DPYD: variants seen among roughly 807,000 people sequenced by gnomAD.
DPYD encodes the protein dihydropyrimidine dehydrogenase [NADP(+)].
A neutral mutation model predicts 116.2 loss-of-function variants in DPYD; 109 were observed. The ratio of observed to expected loss-of-function variants is 0.94; its 90% CI spans 0.80 to 1.10. The LOEUF is 1.10. Ranked by LOEUF, DPYD falls within the 50% of genes least tolerant of loss-of-function variation. The pLI, the probability that DPYD is intolerant of heterozygous loss-of-function variation, is 0.00. For missense variants in DPYD, 1,302 were observed against 1,254.5 expected (o/e 1.04, Z -0.57); for synonymous variants, 440 against 432.0 (o/e 1.02, Z -0.23).
chr1:97,898,065 C>T (rs1673173179), intron 1 of DPYD, among the ~76,000 whole-genome samples: 4 of 151,740 alleles, frequency 2.6e-5, no homozygotes, highest in Admixed American at 2.6e-4. Context: ...GCAGCATTTG[C>T]TCTGGGGCTA....
intron 20 of DPYD, among the ~76,000 whole-genome samples, chr1:97,187,649 C>T (rs1433879592): frequency 6.6e-6 from 1 of 152,020 alleles, no homozygotes; most frequent in Non-Finnish European, 1.5e-5. Context: ...TTTGCCTAGA[C>T]TCATGTCCAG....
At chr1:97,622,134 C>T (rs906836234) in intron 8 of DPYD, among the ~76,000 whole-genome samples, 1 of 152,010 alleles carries the variant, frequency 6.6e-6, no homozygotes, top group African/African-American at 2.4e-5. Flanking sequence ...GTGGCCTGCT[C>T]ATAGTGGCTT....
Position 97,740,484 on chromosome 1 carries a change from GAAATA to G in DPYD, c.234-10_234-6del. ...GCATCTGCACATTTCAGGCATCTAG[GAAATA>G]AAATAACTATGTTAAGAAACTACAA... On this transcript the variant is annotated splice_polypyrimidine_tract_variant and splice_region_variant and intron_variant, in intron 3 of 22. Transcript: ENST00000370192. 1 of 1,610,104 alleles carries G rather than the reference GAAATA, an allele frequency of 6.2e-7. No homozygotes were observed. The highest frequency in any genetic ancestry group is 8.5e-7 in the Non-Finnish European group (1 of 1,177,378).
At chr1:97,497,893 T>C (rs1438888019) in intron 13 of DPYD, among the ~76,000 whole-genome samples, 1 of 151,708 alleles carries the variant, frequency 6.6e-6, no homozygotes, top group African/African-American at 2.4e-5. Context: ...AATGAAGAAA[T>C]ATTTATAATA....
chr1:97,267,124 G>C (rs1432919347), intron 18 of DPYD, among the ~76,000 whole-genome samples: 1 of 152,108 alleles, frequency 6.6e-6, no homozygotes, highest in South Asian at 2.1e-4. Context: ...CACAATGGTT[G>C]AACTAGTTTA....
At chr1:97,729,674 T>C (rs890071532) in intron 4 of DPYD, among the ~76,000 whole-genome samples, 1 of 152,154 alleles carries the variant, frequency 6.6e-6, no homozygotes, top group African/African-American at 2.4e-5. Flanking sequence ...TGAATGGTGG[T>C]AAATTTTTTA....
At chr1:97,581,788 G>A (rs1396938240) in intron 10 of DPYD, among the ~76,000 whole-genome samples, 1 of 151,176 alleles carries the variant, frequency 6.6e-6, no homozygotes, top group Non-Finnish European at 1.5e-5. Flanking sequence ...CATGGAAAAG[G>A]TGCTATATAA....
intron 21 of DPYD, among the ~76,000 whole-genome samples, chr1:97,086,352 GT>G (rs35514561): frequency 0.78 from 111,829 of 143,846 alleles, 43,783 homozygotes; most frequent in East Asian, 0.98. Context: ...GCCTGGCCAA[GT>G]TTTTTTTTTT....
chr1:97,565,523 G>T (rs1426453616), intron 11 of DPYD, among the ~76,000 whole-genome samples: 2 of 152,042 alleles, frequency 1.3e-5, no homozygotes, highest in Non-Finnish European at 2.9e-5. Flanking sequence ...CACACCATCT[G>T]GTCCAGCAAA....
rs559913746 is a variant in DPYD at position 97,570,567 on chromosome 1, A to G, written c.1339+3193T>C. Among the ~76,000 whole-genome samples, 258 of 152,144 alleles carry G rather than the reference A, an allele frequency of 1.7e-3. 1 individual carries two copies. The highest frequency in any genetic ancestry group is 2.9e-3 in the Non-Finnish European group (197 of 67,910). ...TGGAAGCTTTATACCATAGTATAAG[A>G]TAACATTGGTACATTTAATAAATAT... On this transcript the variant is annotated intron_variant, in intron 11 of 22. Coordinates refer to ENST00000370192, the MANE Select transcript of DPYD (RefSeq NM_000110.4).
intron 3 of DPYD, among the ~76,000 whole-genome samples, chr1:97,788,425 C>G (rs927096798): frequency 6.6e-6 from 1 of 152,178 alleles, no homozygotes; most frequent in African/African-American, 2.4e-5. Context: ...AGCTGACGAT[C>G]AGTACCAACT....
At chr1:97,162,533 A>G (rs1290333480) in intron 20 of DPYD, among the ~76,000 whole-genome samples, 1 of 152,212 alleles carries the variant, frequency 6.6e-6, no homozygotes, top group Non-Finnish European at 1.5e-5. Flanking sequence ...AAGAATTAGT[A>G]TCATGAAAAT....
At chr1:97,338,133 G>A (rs1015089499) in intron 16 of DPYD, among the ~76,000 whole-genome samples, 2 of 152,082 alleles carry the variant, frequency 1.3e-5, no homozygotes, top group African/African-American at 4.8e-5. Context: ...ATTTTCACCT[G>A]CCACTTTAAC....
chr1:97,636,893 C>G (rs887270900), intron 8 of DPYD, among the ~76,000 whole-genome samples: 5 of 152,130 alleles, frequency 3.3e-5, no homozygotes, highest in African/African-American at 9.7e-5. Flanking sequence ...AGTAAGAAAT[C>G]CTGTGAGCAT....
chr1:97,679,303 GACA>G (rs1660314953), intron 7 of DPYD, 121 bp from the exon 8 acceptor site: 2 of 573,424 alleles, frequency 3.5e-6, no homozygotes, highest in East Asian at 3.0e-5. Flanking sequence ...TATAAAATGT[GACA>G]ACATTTTTGT....
chr1:97,808,225 T>C (rs1477276032), intron 3 of DPYD, among the ~76,000 whole-genome samples: 1 of 152,164 alleles, frequency 6.6e-6, no homozygotes, highest in East Asian at 1.9e-4. Flanking sequence ...TTGAGAATTG[T>C]GAGTATTCCT....
chr1:97,393,771 T>C (rs1672850455), intron 14 of DPYD, among the ~76,000 whole-genome samples: 1 of 152,184 alleles, frequency 6.6e-6, no homozygotes, highest in Admixed American at 6.6e-5. Context: ...TGTGTCTTTA[T>C]AGCAGCATGA....
intron 16 of DPYD, among the ~76,000 whole-genome samples, chr1:97,312,029 G>T (rs1667550553): frequency 6.6e-6 from 1 of 151,566 alleles, no homozygotes; most frequent in Admixed American, 6.6e-5. Flanking sequence ...TCTTGACCTG[G>T]TGGTCACATG....
intron 4 of DPYD, among the ~76,000 whole-genome samples, chr1:97,732,672 A>G (rs1314071292): frequency 1.5e-4 from 23 of 152,114 alleles, no homozygotes; most frequent in Non-Finnish European, 1.0e-4. Flanking sequence ...ACTCTAGTAA[A>G]TTTAGTATTC....
Sources: allele counts gnomAD v4.1 joint callset (sites outside exome capture counted in the v4.1 genomes callset), GRCh38; gene constraint gnomAD v4.1.1; transcripts MANE v1.5; gene names NCBI Gene and HGNC (gene_info 2026-07-23, HGNC 2026-07-21).